The following ADGRL2 variants were observed in gnomAD, a reference collection of about 807,000 sequenced individuals.
ADGRL2 encodes calcium-independent alpha-latrotoxin receptor 2.
In ADGRL2, 44 loss-of-function variants were observed where a neutral mutation model predicts 157.4. That is an observed-to-expected ratio of 0.28 (90% CI 0.22 to 0.36). The LOEUF (loss-of-function observed/expected upper bound fraction) is 0.36, where lower values mean the gene tolerates loss of function less well. Among genes scored for constraint, ADGRL2 ranks in the 10% least tolerant of loss-of-function variants. The probability of loss-of-function intolerance (pLI) is 1.00; values close to 1 mark genes in which losing one functional copy is unlikely to be tolerated. For missense variants in ADGRL2, 1,510 were observed against 1,768.9 expected (o/e 0.85, Z 2.63); for synonymous variants, 585 against 624.7 (o/e 0.94, Z 0.95).
At chr1:81,319,721 C>T (rs1660375327) in intron 1 of ADGRL2, among the ~76,000 whole-genome samples, 1 of 152,178 alleles carries the variant, frequency 6.6e-6, no homozygotes, top group Non-Finnish European at 1.5e-5. Context: ...AGGCAATAAT[C>T]GTAGAGGAAA....
chr1:81,529,039 A>G (rs1261569561), intron 2 of ADGRL2, among the ~76,000 whole-genome samples: 1 of 152,136 alleles, frequency 6.6e-6, no homozygotes, highest in Non-Finnish European at 1.5e-5. Context: ...AGAAAAGGTG[A>G]AAAAAGATTT....
At chr1:81,415,358 G>C (rs371827184) in intron 1 of ADGRL2, among the ~76,000 whole-genome samples, 73 of 152,228 alleles carry the variant, frequency 4.8e-4, no homozygotes, top group Middle Eastern at 6.8e-3. Flanking sequence ...GTGTGTCTTT[G>C]TTAAAATTAC....
chr1:81,596,968 A>G (rs2081246922), intron 3 of ADGRL2, among the ~76,000 whole-genome samples: 1 of 152,164 alleles, frequency 6.6e-6, no homozygotes, highest in African/African-American at 2.4e-5. Context: ...ATCTTTTTGA[A>G]TATTTGAATA....
intron 2 of ADGRL2, among the ~76,000 whole-genome samples, chr1:81,463,474 A>G (rs2077983930): frequency 6.6e-6 from 1 of 152,106 alleles, no homozygotes; most frequent in Non-Finnish European, 1.5e-5. Flanking sequence ...CAGTTCCCCA[A>G]ATTGAGAACT....
chr1:81,436,399 G>T (rs1186803458), intron 1 of ADGRL2, among the ~76,000 whole-genome samples: 1 of 152,188 alleles, frequency 6.6e-6, no homozygotes, highest in African/African-American at 2.4e-5. Flanking sequence ...CCTGACAAAA[G>T]GTGGTTAGTA....
At chr1:81,951,160 A>G in intron 8 of ADGRL2, 39 bp downstream of exon 8, 1 of 1,314,114 alleles carries the variant, frequency 7.6e-7, no homozygotes. Context: ...TTGGTGATTT[A>G]GGGCATTAAC....
chr1:81,584,931 G>T (rs1050036050), intron 3 of ADGRL2, among the ~76,000 whole-genome samples: 1 of 152,044 alleles, frequency 6.6e-6, no homozygotes, highest in African/African-American at 2.4e-5. Context: ...AATCCTAAGC[G>T]CTGGCTGAAA....
chr1:81,401,917 G>A (rs1210476711), intron 1 of ADGRL2, among the ~76,000 whole-genome samples: 1 of 152,086 alleles, frequency 6.6e-6, no homozygotes, highest in Non-Finnish European at 1.5e-5. Flanking sequence ...ATAATAACTT[G>A]TTCAGCCATA....
intron 1 of ADGRL2, among the ~76,000 whole-genome samples, chr1:81,369,383 T>C (rs2100974603): frequency 6.6e-6 from 1 of 152,330 alleles, no homozygotes; most frequent in African/African-American, 2.4e-5. Flanking sequence ...TGACTTCTTT[T>C]CAAGTCTATA....
chr1:81,853,355 C>CT (rs758288759), intron 2 of ADGRL2, among the ~76,000 whole-genome samples: 4 of 152,138 alleles, frequency 2.6e-5, no homozygotes, highest in African/African-American at 7.2e-5. Flanking sequence ...CAATGTACGA[C>CT]TGCAGGTGCT....
chr1:81,687,037 C>T (rs919714943), intron 3 of ADGRL2, among the ~76,000 whole-genome samples: 3 of 152,166 alleles, frequency 2.0e-5, no homozygotes, highest in South Asian at 4.2e-4. Context: ...TATTGAGGCT[C>T]ATTTTATGGC....
chr1:81,941,905 G>C, intron 4 of ADGRL2, 129 bp from the exon 5 acceptor site: 1 of 519,976 alleles, frequency 1.9e-6, no homozygotes. Flanking sequence ...AAGTAGTACA[G>C]CTCTTAATTC....
intron 2 of ADGRL2, among the ~76,000 whole-genome samples, chr1:81,774,113 C>T (rs56017765): frequency 0.14 from 21,610 of 152,068 alleles, 1,817 homozygotes; most frequent in South Asian, 0.21. Flanking sequence ...GTTTAAGTCG[C>T]CCTGTCTGTG....
At chr1:81,448,125 T>TTTTC (rs1189149821) in intron 2 of ADGRL2, among the ~76,000 whole-genome samples, 13 of 149,460 alleles carry the variant, frequency 8.7e-5, no homozygotes, top group African/African-American at 2.7e-4. Flanking sequence ...TTCTTTTTCT[T>TTTTC]TTTCTTTCTT....
In ADGRL2 at chr1:81,490,320, T is replaced by C. The variant is rs567864943; in HGVS notation, c.-248+45231T>C. On this transcript the variant is annotated intron_variant, in intron 2 of 24. Transcript: ENST00000370721. ...CTACTTTTTGTATTTTTAGTAGAGA[T>C]GGGGCTTCAACATGTTAGTCAGGCT... Among the ~76,000 whole-genome samples, 3 of 152,196 alleles carry C rather than the reference T, an allele frequency of 2.0e-5. No individual in the cohort carries two copies. In the South Asian group the frequency reaches 6.2e-4, roughly 32 times the overall value.
intron 1 of ADGRL2, among the ~76,000 whole-genome samples, chr1:81,306,726 T>C (rs376591380): frequency 4.3e-4 from 66 of 152,286 alleles, no homozygotes; most frequent in African/African-American, 1.5e-3. Flanking sequence ...AGTTTTACAA[T>C]GCCAGAAAGA....
At chr1:81,558,588 C>G (rs1458789880) in intron 2 of ADGRL2, among the ~76,000 whole-genome samples, 1 of 151,976 alleles carries the variant, frequency 6.6e-6, no homozygotes, top group Non-Finnish European at 1.5e-5. Context: ...CCTTTCAGCT[C>G]CAGATATTTG....
At chr1:81,644,884 A>AT (rs1194073676) in intron 3 of ADGRL2, among the ~76,000 whole-genome samples, 1 of 152,190 alleles carries the variant, frequency 6.6e-6, no homozygotes, top group East Asian at 1.9e-4. Flanking sequence ...AATAAAATTT[A>AT]TTTAAAAACA....
intron 1 of ADGRL2, among the ~76,000 whole-genome samples, chr1:81,746,309 G>T (rs1354440183): frequency 6.6e-6 from 1 of 152,030 alleles, no homozygotes; most frequent in Non-Finnish European, 1.5e-5. Flanking sequence ...AATTTTTTGA[G>T]ACAGGGTCTT....
Sources: gnomAD v4.1 joint callset for allele counts (sites outside exome capture counted in the v4.1 genomes callset) on GRCh38, gnomAD v4.1.1 for gene constraint, MANE v1.5 for transcripts, NCBI Gene and HGNC (gene_info 2026-07-23, HGNC 2026-07-21) for gene names.